CACNA1E: variants seen among roughly 807,000 people sequenced by gnomAD.
CACNA1E encodes voltage-dependent R-type calcium channel subunit alpha-1E.
Under a neutral mutation model 259.2 loss-of-function variants are expected in CACNA1E, and 40 were observed. That is an observed-to-expected ratio of 0.15 (90% confidence interval 0.12 to 0.20). The LOEUF is 0.20. Ranked by LOEUF, CACNA1E falls within the 10% of genes least tolerant of loss-of-function variation. CACNA1E has a pLI of 1.00. For synonymous variants in CACNA1E, 1,104 were observed against 1,138.5 expected (o/e 0.97, Z 0.61); for missense variants, 1,874 against 3,040.1 (o/e 0.62, Z 9.02).
chr1:181,765,654 G>T (rs1343803032), intron 34 of CACNA1E, among the ~76,000 whole-genome samples: 2 of 152,216 alleles, frequency 1.3e-5, no homozygotes, highest in African/African-American at 2.4e-5. Flanking sequence ...TTCATGATGT[G>T]CACAATCAAG....
At chr1:181,522,100 G>A (rs930686352) in intron 3 of CACNA1E, among the ~76,000 whole-genome samples, 3 of 152,170 alleles carry the variant, frequency 2.0e-5, no homozygotes, top group Non-Finnish European at 2.9e-5. Context: ...AGAACAAGTT[G>A]CCCAAATGAC....
intron 1 of CACNA1E, among the ~76,000 whole-genome samples, chr1:181,509,975 A>AT (rs1227754261): frequency 6.6e-6 from 1 of 152,218 alleles, no homozygotes; most frequent in East Asian, 1.9e-4. Flanking sequence ...TGGTGCAGAG[A>AT]TTCTAGAAGA....
intron 7 of CACNA1E, among the ~76,000 whole-genome samples, chr1:181,710,338 C>A (rs1299648051): frequency 6.6e-6 from 1 of 152,176 alleles, no homozygotes; most frequent in Non-Finnish European, 1.5e-5. Flanking sequence ...TCTTCAGTGG[C>A]AGCTTTTATT....
chr1:181,599,247 A>G (rs1653507385), intron 6 of CACNA1E, among the ~76,000 whole-genome samples: 1 of 152,210 alleles, frequency 6.6e-6, no homozygotes, highest in South Asian at 2.1e-4. Context: ...TAGTTTGCTA[A>G]GGATAACAGC....
chr1:181,403,783 C>T (rs1198534032), intron 1 of CACNA1E, among the ~76,000 whole-genome samples: 2 of 152,132 alleles, frequency 1.3e-5, no homozygotes, highest in Admixed American at 1.3e-4. Context: ...GCTGTATTGG[C>T]TCATATTGCT....
intron 9 of CACNA1E, among the ~76,000 whole-genome samples, chr1:181,715,667 T>C (rs1335773377): frequency 6.6e-6 from 1 of 152,150 alleles, no homozygotes; most frequent in East Asian, 1.9e-4. Flanking sequence ...CTACAACCAA[T>C]GCTATCTAAA....
At chr1:181,348,268 A>C (rs1652768537) in intron 1 of CACNA1E, among the ~76,000 whole-genome samples, 1 of 151,956 alleles carries the variant, frequency 6.6e-6, no homozygotes, top group Non-Finnish European at 1.5e-5. Flanking sequence ...GGGGGTCAGC[A>C]GGGCTGGTCA....
intron 37 of CACNA1E, among the ~76,000 whole-genome samples, chr1:181,773,279 A>G (rs1572861097): frequency 6.6e-6 from 1 of 152,086 alleles, no homozygotes; most frequent in Admixed American, 6.5e-5. Context: ...GCAGGGAGGG[A>G]GCTAATGGGA....
At chr1:181,535,400 C>T (rs1208955224) in intron 3 of CACNA1E, among the ~76,000 whole-genome samples, 1 of 212 alleles carries the variant, frequency 4.7e-3, no homozygotes, top group Admixed American at 0.062. Flanking sequence ...TGCTGCAATT[C>T]TGACTTTTAA....
chr1:181,799,026 T>C lies in CACNA1E; in HGVS notation c.*192T>C. ...ACCCACCAAATTGCTTTATTCCCCT[T>C]TGCAAGATGGGCACTGCCATAGTTC... On this transcript the variant is annotated 3_prime_UTR_variant, in exon 48 of 48. Coordinates refer to ENST00000367573, the MANE Select transcript of CACNA1E (RefSeq NM_001205293.3). The C allele has an allele frequency of 2.0e-6, 1 of 488,482 alleles. No individual in the cohort carries two copies. The allele number at this position is 488,482 out of a possible 1,614,324, so 30.3% of individuals were successfully genotyped here.
At chr1:181,372,369 G>A (rs530221364) in intron 1 of CACNA1E, among the ~76,000 whole-genome samples, 69 of 152,026 alleles carry the variant, frequency 4.5e-4, no homozygotes, top group Non-Finnish European at 8.8e-4. Flanking sequence ...ATTGTGAGTG[G>A]GATTACATTC....
intron 1 of CACNA1E, among the ~76,000 whole-genome samples, chr1:181,360,543 C>G (rs1006915732): frequency 1.3e-5 from 2 of 152,024 alleles, no homozygotes; most frequent in Admixed American, 6.6e-5. Context: ...CCAGAAGAGG[C>G]AAATCTGTAG....
rs190644878 is a variant in CACNA1E at position 181,807,113 on chromosome 1, T to A, written c.*8279T>A. The A allele has an allele frequency of 3.4e-5, 5 of 146,466 alleles. No homozygotes were observed. The East Asian group carries it at 1.0e-3, about 29-fold the overall frequency. 9.1% of individuals were successfully genotyped at this position (146,466 alleles called of 1,614,324 possible). Reference sequence around the variant, plus strand: ...TTCAAGACTGGCCTGGATGACAGAGTGAAACCCTCATCTCTTAAAAAAAAA... The same window carrying A: ...TTCAAGACTGGCCTGGATGACAGAGAGAAACCCTCATCTCTTAAAAAAAAA... On this transcript the variant is annotated 3_prime_UTR_variant, in exon 48 of 48. Transcript: ENST00000367573.
At chr1:181,507,286 C>T (rs1665790196) in intron 1 of CACNA1E, among the ~76,000 whole-genome samples, 1 of 152,220 alleles carries the variant, frequency 6.6e-6, no homozygotes. Context: ...GAGTTTGACT[C>T]ATCAGCACCT....
At chr1:181,642,328 G>A (rs1031709434) in intron 6 of CACNA1E, among the ~76,000 whole-genome samples, 9 of 152,176 alleles carry the variant, frequency 5.9e-5, no homozygotes, top group African/African-American at 2.2e-4. Flanking sequence ...GTTAGTAAGA[G>A]GGGAGAGGGG....
intron 1 of CACNA1E, among the ~76,000 whole-genome samples, chr1:181,377,649 C>T (rs969938468): frequency 3.9e-5 from 6 of 152,190 alleles, no homozygotes; most frequent in African/African-American, 1.4e-4. Flanking sequence ...ATAATATTAG[C>T]TAACACTTAA....
chr1:181,394,985 T>C (rs1656561987), intron 1 of CACNA1E, among the ~76,000 whole-genome samples: 1 of 152,072 alleles, frequency 6.6e-6, no homozygotes, highest in African/African-American at 2.4e-5. Flanking sequence ...GGAGGGTACA[T>C]TGCAGGATGC....
intron 6 of CACNA1E, among the ~76,000 whole-genome samples, chr1:181,597,191 C>T (rs1653265573): frequency 6.6e-6 from 1 of 152,178 alleles, no homozygotes; most frequent in South Asian, 2.1e-4. Flanking sequence ...ATGAGACCCA[C>T]CCTGGCACTC....
chr1:181,661,772 ACTTC>A (rs1047347599), intron 7 of CACNA1E, among the ~76,000 whole-genome samples: 5 of 152,186 alleles, frequency 3.3e-5, no homozygotes, highest in African/African-American at 1.2e-4. Flanking sequence ...GGAAGTACTA[ACTTC>A]CTTTTATAAA....
Sources: allele counts gnomAD v4.1 joint callset (sites outside exome capture counted in the v4.1 genomes callset), GRCh38; gene constraint gnomAD v4.1.1; transcripts MANE v1.5; gene names NCBI Gene and HGNC (gene_info 2026-07-23, HGNC 2026-07-21).